DUS1L: variants seen among roughly 807,000 people sequenced by gnomAD.
The protein encoded by DUS1L is dihydrouridine synthase 1 like.
Under a neutral mutation model 61.2 loss-of-function variants are expected in DUS1L, and 56 were observed. The observed-to-expected ratio is 0.92, with a 90% confidence interval of 0.74 to 1.14. The LOEUF is 1.14. DUS1L is among the 50% of genes most tolerant of loss of function. The probability of loss-of-function intolerance (pLI) is 0.00; values close to 1 mark genes in which losing one functional copy is unlikely to be tolerated. For synonymous variants in DUS1L, 278 were observed against 259.5 expected (o/e 1.07, Z -0.69); for missense variants, 630 against 632.4 (o/e 1.00, Z 0.04).
In DUS1L at chr17:82,065,156, G is replaced by A. The variant is rs1194570387; in HGVS notation, c.-10-87C>T. 4 of 1,202,806 alleles carry A rather than the reference G, an allele frequency of 3.3e-6. No individual in the cohort carries two copies. In the Admixed American group the frequency reaches 8.3e-5, roughly 25 times the overall value. 74.5% of individuals were successfully genotyped at this position (1,202,806 alleles called of 1,614,324 possible). A position where few individuals can be genotyped will look rare whatever the true frequency, so the allele number is the denominator to read the frequency against. On this transcript the variant is annotated intron_variant, in intron 1 of 13. Transcript: ENST00000306796. ...CAGAGGCAGCGGTCACCCTTCTAAG[G>A]CCGCTCCAGTACCACCGTTGGGTCA...
intron 10 of DUS1L, 187 bp downstream of exon 10, chr17:82,060,514 A>T: frequency 1.4e-6 from 1 of 698,052 alleles, no homozygotes; most frequent in Non-Finnish European, 2.3e-6. Flanking sequence ...ATCCTCCACC[A>T]AGGACACCGA....
chr17:82,064,061 T>C, intron 3 of DUS1L, 65 bp downstream of exon 3: 1 of 1,429,696 alleles, frequency 7.0e-7, no homozygotes, highest in Non-Finnish European at 9.7e-7. Flanking sequence ...TCACCACACC[T>C]GGGGCTGCAC....
chr17:82,059,168 G>T, intron 11 of DUS1L: 1 of 268,926 alleles, frequency 3.7e-6, no homozygotes, highest in Non-Finnish European at 7.2e-6. Flanking sequence ...ATGCCCTTCA[G>T]TTCCAGGTCT....
chr17:82,063,097 G>A (rs993526186), intron 4 of DUS1L, 124 bp from the exon 5 acceptor site: 3 of 827,894 alleles, frequency 3.6e-6, no homozygotes, highest in Non-Finnish European at 5.8e-6. Context: ...CTGGGAGGCA[G>A]CCCGGGCCAC....
intron 2 of DUS1L, among the ~76,000 whole-genome samples, chr17:82,064,516 G>A (rs974774692): frequency 6.6e-6 from 1 of 152,224 alleles, no homozygotes; most frequent in Admixed American, 6.5e-5. Flanking sequence ...GTGAGTGTGA[G>A]AGGCAGCAAT....
In DUS1L at chr17:82,061,928, G is replaced by T. The variant is rs201552302; in HGVS notation, c.566C>A (p.Ala189Glu). The change falls in exon 6 of 14, where the codon GCG (alanine) becomes GAG (glutamate). Residue 189 changes from alanine (A) to glutamate (E), a missense_variant. Transcript: ENST00000306796. ...CACAGCCTTGATATGCTCCCAGGAC[G>T]CTGCACCCGACAGGGGCCCCTTCTG... ...KEQKGPLSGA[A>E]SWEHIKAVRK... 6.2e-7 allele frequency: 1 copy of T among 1,610,842 alleles called. No homozygotes were observed. The highest frequency in any genetic ancestry group is 8.5e-7 in the Non-Finnish European group (1 of 1,178,830).
chr17:82,060,215 G>A, intron 10 of DUS1L, 122 bp from the exon 11 acceptor site: 1 of 1,319,086 alleles, frequency 7.6e-7, no homozygotes, highest in Non-Finnish European at 1.0e-6. Context: ...CTGCTGTGAG[G>A]AGTGCCCTCC....
intron 10 of DUS1L, 41 bp downstream of exon 10, chr17:82,060,660 C>T (rs771730754): frequency 1.3e-6 from 2 of 1,599,966 alleles, no homozygotes; most frequent in Non-Finnish European, 1.7e-6. Flanking sequence ...GGAGCCCACA[C>T]CTTGGTGCAC....
In DUS1L at chr17:82,058,001, A is replaced by G. The variant is rs770788087; in HGVS notation, c.*114T>C. Reference sequence around the variant, plus strand: ...CCCCCAGAGTGGGCCGAAGGGGGACATGGGCGTGTCTTTCCACATTAAGTA... The same window carrying G: ...CCCCCAGAGTGGGCCGAAGGGGGACGTGGGCGTGTCTTTCCACATTAAGTA... On this transcript the variant is annotated 3_prime_UTR_variant, in exon 14 of 14. Transcript: ENST00000306796. 4 of 1,349,456 alleles carry G rather than the reference A, an allele frequency of 3.0e-6. No homozygotes were observed. Among genetic ancestry groups the G allele is most frequent in the East Asian group, 2.6e-5 (1 of 38,680 alleles). The allele number at this position is 1,349,456 out of a possible 1,614,324, so 83.6% of individuals were successfully genotyped here.
At chr17:82,059,725 A>C (rs1490269890) in intron 11 of DUS1L, 4 of 600,650 alleles carry the variant, frequency 6.7e-6, no homozygotes, top group Non-Finnish European at 1.2e-5. Context: ...GCCTCATCTG[A>C]TTCACTGAGC....
rs750697176 is a variant in DUS1L, at chr17:82,058,048, A to C, written c.*67T>G. The C allele has an allele frequency of 6.9e-7, 1 of 1,447,862 alleles. No individual in the cohort carries two copies. The highest frequency in any genetic ancestry group is 9.1e-7 in the Non-Finnish European group (1 of 1,098,190). The allele number at this position is 1,447,862 out of a possible 1,614,324, so 89.7% of individuals were successfully genotyped here. ...AGTAGCAGGAGATTCCCTGAGTAAA[A>C]GGCATTTTCTTAAGTAGGACGTGTC... On this transcript the variant is annotated 3_prime_UTR_variant, in exon 14 of 14. Transcript: ENST00000306796.
Position 82,062,037 on chromosome 17 carries a change from G to T in DUS1L, c.511-54C>A, listed in dbSNP as rs2033531119. On this transcript the variant is annotated intron_variant, in intron 5 of 13. Transcript: ENST00000306796. ...CTCCAAGCCCCTTCCGCCCCTCAGAGCCCCCTCCGCCCCTCCACGCCCCCT... is the reference window on the plus strand; with the variant it reads ...CTCCAAGCCCCTTCCGCCCCTCAGATCCCCCTCCGCCCCTCCACGCCCCCT... The T allele has an allele frequency of 3.4e-6, 5 of 1,459,806 alleles. No individual in the cohort carries two copies. The East Asian group carries it at 7.1e-5, about 21-fold the overall frequency. 90.4% of individuals were successfully genotyped at this position (1,459,806 alleles called of 1,614,324 possible). A position where few individuals can be genotyped will look rare whatever the true frequency, so the allele number is the denominator to read the frequency against.
chr17:82,058,021 T>C lies in DUS1L; in HGVS notation c.*94A>G, dbSNP rs763185431. The stretch of plus-strand genomic sequence containing the variant: ...GGGACATGGGCGTGTCTTTCCACAT[T>C]AAGTAGCAGGAGATTCCCTGAGTAA... On this transcript the variant is annotated 3_prime_UTR_variant, in exon 14 of 14. Coordinates refer to ENST00000306796, the MANE Select transcript of DUS1L (RefSeq NM_022156.5). 1.4e-6 allele frequency: 2 copies of C among 1,404,812 alleles called. No homozygotes were observed. The highest frequency in any genetic ancestry group is 3.2e-5 in the South Asian group (2 of 62,424). The allele number at this position is 1,404,812 out of a possible 1,614,324, so 87.0% of individuals were successfully genotyped here. A position where few individuals can be genotyped will look rare whatever the true frequency, so the allele number is the denominator to read the frequency against.
In DUS1L at chr17:82,061,050, T is replaced by A. The variant is rs1403387065; in HGVS notation, c.843-89A>T. 2.6e-6 allele frequency: 4 copies of A among 1,542,676 alleles called. No homozygotes were observed. In the East Asian group the frequency reaches 9.4e-5, roughly 36 times the overall value. On this transcript the variant is annotated intron_variant, in intron 8 of 13. Transcript: ENST00000306796. ...CACTGGGCACACGGGGACCTGTGTCTCTTCCTGCCCAACTCCACTCCTAAG... is the reference window on the plus strand; with the variant it reads ...CACTGGGCACACGGGGACCTGTGTCACTTCCTGCCCAACTCCACTCCTAAG...
Position 82,061,623 on chromosome 17 carries a change from C to G in DUS1L, c.692G>C (p.Ser231Thr), listed in dbSNP as rs1193341739. The change falls in exon 7 of 14, where the codon AGC (serine) becomes ACC (threonine). Residue 231 changes from serine (S) to threonine (T), a missense_variant. Ser to Thr is a moderately conservative substitution (Grantham distance 58). Coordinates refer to ENST00000306796, the MANE Select transcript of DUS1L (RefSeq NM_022156.5). ...LRDTGVQGVM[S>T]AEGNLHNPAL... is the part of the protein sequence containing the mutation. ...CTGTCCTGGGCCCTGCCCACCTGCG[C>G]TCATGACGCCCTGCACACCCGTGTC... 6.2e-7 allele frequency: 1 copy of G among 1,611,158 alleles called. No individual in the cohort carries two copies. Among genetic ancestry groups the G allele is most frequent in the Non-Finnish European group, 8.5e-7 (1 of 1,179,470 alleles).
At chr17:82,059,695 G>A in intron 11 of DUS1L, 1 of 527,440 alleles carries the variant, frequency 1.9e-6, no homozygotes, top group East Asian at 3.0e-5. Flanking sequence ...GCTTCACCTG[G>A]CTGAAAAGCT....
chr17:82,059,764 T>C, intron 11 of DUS1L, 184 bp downstream of exon 11: 1 of 769,578 alleles, frequency 1.3e-6, no homozygotes, highest in Non-Finnish European at 2.1e-6. Context: ...GGCTGTGGCC[T>C]GCACAGGGTC....
At chr17:82,059,628 CTG>C in intron 11 of DUS1L, 1 of 364,150 alleles carries the variant, frequency 2.7e-6, no homozygotes, top group Non-Finnish European at 5.0e-6. Flanking sequence ...CTCAGGTGTC[CTG>C]TGTGAGGCTG....
chr17:82,065,618 G>A lies in DUS1L; in HGVS notation c.-16C>T, dbSNP rs949618705. 1.3e-5 allele frequency: 2 copies of A among 151,118 alleles called. No individual in the cohort carries two copies. Among genetic ancestry groups the A allele is most frequent in the African/African-American group, 4.8e-5 (2 of 41,374 alleles). 9.4% of individuals were successfully genotyped at this position (151,118 alleles called of 1,614,324 possible). A position where few individuals can be genotyped will look rare whatever the true frequency, so the allele number is the denominator to read the frequency against. ...ACACGCCTCCGCGTCCTCACCGCGC[G>A]AGGGCCCCGCCGTGTCCGCCGCGCG... On this transcript the variant is annotated 5_prime_UTR_variant, in exon 1 of 14. Coordinates refer to ENST00000306796, the MANE Select transcript of DUS1L (RefSeq NM_022156.5).
Sources: allele counts gnomAD v4.1 joint callset (sites outside exome capture counted in the v4.1 genomes callset), GRCh38; gene constraint gnomAD v4.1.1; transcripts MANE v1.5; gene names NCBI Gene and HGNC (gene_info 2026-07-23, HGNC 2026-07-21).